Variants in COL12A1 observed in about 807,000 individuals in gnomAD.
COL12A1 encodes collagen alpha-1(XII) chain.
In COL12A1, 114 loss-of-function variants were observed where a neutral mutation model predicts 349.7. The ratio of observed to expected loss-of-function variants is 0.33; its 90% CI spans 0.28 to 0.38. The LOEUF (loss-of-function observed/expected upper bound fraction) is 0.38, where lower values mean the gene tolerates loss of function less well. Among genes scored for constraint, COL12A1 ranks in the 10% least tolerant of loss-of-function variants. The pLI, the probability that COL12A1 is intolerant of heterozygous loss-of-function variation, is 1.00. For missense variants in COL12A1, 3,284 were observed against 3,756.9 expected, an observed-to-expected ratio of 0.87 and a Z score of 3.29; for synonymous variants, 1,369 against 1,329.0, an observed-to-expected ratio of 1.03 and a Z score of -0.66.
At chr6:75,087,270 C>A (rs1767545605) in intron 65 of COL12A1, 3 of 266,324 alleles carry the variant, frequency 1.1e-5, no homozygotes, top group African/African-American at 8.4e-5. Flanking sequence ...TGTTCCCAAT[C>A]TTGGGGAAAA....
chr6:75,180,494 T>C (rs1376591998), intron 11 of COL12A1, among the ~76,000 whole-genome samples: 1 of 151,916 alleles, frequency 6.6e-6, no homozygotes, highest in Non-Finnish European at 1.5e-5. Flanking sequence ...ATGGTTACAA[T>C]GGTAAATATG....
intron 1 of COL12A1, among the ~76,000 whole-genome samples, chr6:75,204,117 T>G (rs149991933): frequency 1.3e-5 from 2 of 152,318 alleles, no homozygotes; most frequent in Admixed American, 1.3e-4. Context: ...AGATTAAAAT[T>G]TTGGCACTGC....
chr6:75,146,281 C>T, intron 23 of COL12A1, 37 bp from the exon 24 acceptor site: 1 of 1,539,474 alleles, frequency 6.5e-7, no homozygotes, highest in Non-Finnish European at 8.7e-7. Flanking sequence ...AGTCTAGTTC[C>T]TTTCATTCCA....
At chr6:75,192,996 A>G (rs894249001) in intron 3 of COL12A1, among the ~76,000 whole-genome samples, 4 of 152,176 alleles carry the variant, frequency 2.6e-5, no homozygotes, top group African/African-American at 4.8e-5. Flanking sequence ...TTAATTCTCA[A>G]TTCAATCAGG....
chr6:75,085,580 C>G lies in COL12A1; in HGVS notation c.*967G>C. 3.1e-6 allele frequency: 1 copy of G among 325,028 alleles called. No individual in the cohort carries two copies. The highest frequency in any genetic ancestry group is 6.2e-6 in the Non-Finnish European group (1 of 161,424). 20.1% of individuals were successfully genotyped at this position (325,028 alleles called of 1,614,324 possible). On this transcript the variant is annotated 3_prime_UTR_variant, in exon 66 of 66. Transcript: ENST00000322507. ...TTAAAAAAAAAAACCTTCAAAAATC[C>G]AGCAGTAAACACAATCATTGCACAA...
In COL12A1 at chr6:75,109,111, A is replaced by G; in HGVS notation, c.8007T>C (p.Ile2669=). 1 of 1,608,156 alleles carries G rather than the reference A, an allele frequency of 6.2e-7. No individual in the cohort carries two copies. Among genetic ancestry groups the G allele is most frequent in the Non-Finnish European group, 8.5e-7 (1 of 1,175,280 alleles). Residue 2669 remains isoleucine (I), a synonymous_variant, in exon 52 of 66, where the codon ATT becomes ATC. Coordinates refer to ENST00000322507, the MANE Select transcript of COL12A1 (RefSeq NM_004370.6). ...CAGCTTCCTTGATGTCTTTTTCTAT[A>G]ATTTCATAGCAGTCAATGTAAATCT... is the stretch of plus-strand genomic sequence containing the variant. ...SVKIYIDCYE[I]IEKDIKEAGN...
Position 75,117,521 on chromosome 6 carries a change from C to T in COL12A1, c.7380G>A (p.Val2460=), listed in dbSNP as rs1173467469. ...CAAGCTCATTGTAGTCGACATCAGCCACACCAACTACAAAGACACTGAACC... is the reference window on the plus strand; with the variant it reads ...CAAGCTCATTGTAGTCGACATCAGCTACACCAACTACAAAGACACTGAACC... ...QSGFSVFVVG[V]ADVDYNELAN... Residue 2460 remains valine, a synonymous_variant, in exon 47 of 66, where the codon GTG becomes GTA. Transcript: ENST00000322507. 2 of 1,613,562 alleles carry T rather than the reference C, an allele frequency of 1.2e-6. No individual in the cohort carries two copies. Among genetic ancestry groups the T allele is most frequent in the Admixed American group, 1.7e-5 (1 of 59,996 alleles).
intron 13 of COL12A1, 81 bp downstream of exon 13, chr6:75,174,957 T>C (rs1768840409): frequency 1.4e-6 from 2 of 1,467,620 alleles, no homozygotes; most frequent in African/African-American, 1.4e-5. Flanking sequence ...TCTAGATTCA[T>C]TGTCTGAAGA....
intron 25 of COL12A1, among the ~76,000 whole-genome samples, chr6:75,143,860 A>G (rs1227493866): frequency 6.6e-6 from 1 of 152,230 alleles, no homozygotes; most frequent in African/African-American, 2.4e-5. Flanking sequence ...TAAGCTTATA[A>G]GAAAACCCAG....
In COL12A1 at chr6:75,117,391, C is replaced by A. The variant is rs868435183; in HGVS notation, c.7510G>T (p.Ala2504Ser). ...DNLITFVCET[A>S]TSSCPLIYLD... ...GTTGACTGTGACTTACTTGAAGTGG[C>A]AGTTTCACAAACAAATGTAATAAGA... is the stretch of plus-strand genomic sequence containing the variant. Residue 2504 changes from alanine (A) to serine (S), a missense_variant, in exon 47 of 66, where the codon GCC becomes TCC. By Grantham distance (99) the Ala-to-Ser change is moderately conservative (BLOSUM62 1). This residue lies in a region of COL12A1 where 683 missense variants were observed against 932.1 expected (regional missense o/e 0.73). Transcript: ENST00000322507. 9 of 1,613,058 alleles carry A rather than the reference C, an allele frequency of 5.6e-6. No individual in the cohort carries two copies. Among genetic ancestry groups the A allele is most frequent in the Non-Finnish European group, 7.6e-6 (9 of 1,179,282 alleles).
At position 75,202,789 on chromosome 6, in the gene COL12A1, G is replaced by T. The variant is rs1346816832; in HGVS notation, c.4C>A (p.Arg2=). 2 of 1,551,614 alleles carry T rather than the reference G, an allele frequency of 1.3e-6. No individual in the cohort carries two copies. The highest frequency in any genetic ancestry group is 1.4e-5 in the African/African-American group (1 of 73,058). ...GCAAGCGCTGGGGGAAGCCTACTCC[G>T]CATCCTTGGCCTCCGAGCTTACAGC... is the stretch of plus-strand genomic sequence containing the variant. The part of the protein sequence containing the change: M[R]SRLPPALAAL... The change falls in exon 2 of 66, where the codon CGG becomes AGG. Residue 2 remains arginine (R), a synonymous_variant. Transcript: ENST00000322507.
chr6:75,121,527 C>T (rs1765730288), intron 43 of COL12A1, 86 bp from the exon 44 acceptor site: 2 of 1,397,682 alleles, frequency 1.4e-6, no homozygotes, highest in Admixed American at 2.3e-5. Flanking sequence ...TGCAATATAA[C>T]ACCTTGCTAC....
At chr6:75,182,111 A>G (rs1480826320) in intron 10 of COL12A1, among the ~76,000 whole-genome samples, 82 of 141,664 alleles carry the variant, frequency 5.8e-4, no homozygotes, top group Non-Finnish European at 1.1e-3. Flanking sequence ...AAAAAAAAAA[A>G]GAAAAAAAAA....
Position 75,133,943 on chromosome 6 carries a change from A to G in COL12A1, c.5579T>C (p.Leu1860Ser), listed in dbSNP as rs753563063. 1.9e-6 allele frequency: 3 copies of G among 1,614,050 alleles called. No individual in the cohort carries two copies. Among genetic ancestry groups the G allele is most frequent in the Non-Finnish European group, 8.5e-7 (1 of 1,179,958 alleles). ...CTCTGCATGGTCCCAGCGGACATTC[A>G]AGGTGCTGGTAGAAGGGTCATACAC... Reference protein sequence around the residue: ...LRVYDPSTSTLNVRWDHAEGN... With the variant: ...LRVYDPSTSTSNVRWDHAEGN... Residue 1860 changes from leucine (L) to serine (S), a missense_variant, in exon 33 of 66, where the codon TTG becomes TCG. Coordinates refer to ENST00000322507, the MANE Select transcript of COL12A1 (RefSeq NM_004370.6).
At position 75,181,057 on chromosome 6, in the gene COL12A1, C is replaced by T. The variant is rs1039108581; in HGVS notation, c.2046G>A (p.Ser682=). 1.9e-6 allele frequency: 3 copies of T among 1,613,972 alleles called. No homozygotes were observed. Among genetic ancestry groups the T allele is most frequent in the Non-Finnish European group, 2.5e-6 (3 of 1,179,994 alleles). ...GGCTGCTGAGAACAACACTGGTGCT[C>T]GATGCTGGCTCCACCACAGTGACCT... ...DDEVTVVEPA[S]STSVVLSSLK... Residue 682 remains serine, a synonymous_variant, in exon 11 of 66, where the codon TCG becomes TCA. Transcript: ENST00000322507.
rs1419443025 is a variant in COL12A1, at chr6:75,134,764, T to C, written c.5486A>G (p.Asp1829Gly). The C allele has an allele frequency of 1.9e-6, 3 of 1,610,204 alleles. No homozygotes were observed. The highest frequency in any genetic ancestry group is 1.7e-6 in the Non-Finnish European group (2 of 1,177,372). Residue 1829 changes from aspartate (D) to glycine (G), a missense_variant, in exon 32 of 66, where the codon GAT becomes GGT. Coordinates refer to ENST00000322507, the MANE Select transcript of COL12A1 (RefSeq NM_004370.6). ...YTITVSSLYPDGEGGRMTGRG... is the reference protein window; with the variant it reads ...YTITVSSLYPGGEGGRMTGRG... ...TCCCGTCATCCGACCTCCTTCACCATCAGGATACAGAGAGGATACGGTGAT... is the reference window on the plus strand; with the variant it reads ...TCCCGTCATCCGACCTCCTTCACCACCAGGATACAGAGAGGATACGGTGAT...
At chr6:75,101,753 T>G in intron 57 of COL12A1, 100 bp from the exon 58 acceptor site, 1 of 1,334,034 alleles carries the variant, frequency 7.5e-7, no homozygotes, top group Non-Finnish European at 1.0e-6. Context: ...TTCCAGAGAC[T>G]CTGAATAGAA....
chr6:75,133,177 TG>T (rs1766396447), intron 34 of COL12A1, 115 bp downstream of exon 34: 1 of 969,138 alleles, frequency 1.0e-6, no homozygotes, highest in Admixed American at 3.2e-5. Context: ...CTAATTTTTA[TG>T]TTTTTAATTC....
chr6:75,151,198 G>A lies in COL12A1; in HGVS notation c.4090C>T (p.Leu1364Phe), dbSNP rs1767465289. The change falls in exon 21 of 66, where the codon CTC becomes TTC. Residue 1364 changes from leucine (L) to phenylalanine (F), a missense_variant. Leu to Phe is a conservative substitution (Grantham distance 22). Transcript: ENST00000322507. ...HAYNVADFESLSRIVDDLTIN... is the reference protein window; with the variant it reads ...HAYNVADFESFSRIVDDLTIN... The stretch of plus-strand genomic sequence containing the variant: ...GTGAGATCATCCACTATCCTGGAGA[G>A]TGACTCAAAATCTGCCACATTGTAT... 1 of 1,613,378 alleles carries A rather than the reference G, an allele frequency of 6.2e-7. No homozygotes were observed. Among genetic ancestry groups the A allele is most frequent in the African/African-American group, 1.3e-5 (1 of 74,842 alleles).
Sources: allele counts gnomAD v4.1 joint callset (sites outside exome capture counted in the v4.1 genomes callset), GRCh38; gene constraint gnomAD v4.1.1; regional missense constraint gnomAD v4.1.1; transcripts MANE v1.5; gene names NCBI Gene and HGNC (gene_info 2026-07-23, HGNC 2026-07-21).